Variants in CHODL observed in about 807,000 individuals in gnomAD.
The protein encoded by CHODL is chondrolectin.
A neutral mutation model predicts 34.5 loss-of-function variants in CHODL; 29 were observed. The observed-to-expected ratio is 0.84, with a 90% CI of 0.63 to 1.15. The LOEUF (loss-of-function observed/expected upper bound fraction) is 1.15, where lower values mean the gene tolerates loss of function less well. Ranked by LOEUF, CHODL falls within the 50% of genes most tolerant of loss-of-function variation. The probability of loss-of-function intolerance (pLI) is 0.00; values close to 1 mark genes in which losing one functional copy is unlikely to be tolerated. For synonymous variants in CHODL, 125 were observed against 116.1 expected (o/e 1.08, Z -0.49); for missense variants, 332 against 332.5 (o/e 1.00, Z 0.01).
chr21:18,051,530 G>A (rs1217339161), intron 2 of CHODL, among the ~76,000 whole-genome samples: 1 of 151,630 alleles, frequency 6.6e-6, no homozygotes, highest in African/African-American at 2.4e-5. Flanking sequence ...AGGTTAAGGG[G>A]GCAATGTGAA....
chr21:17,923,825 TA>T (rs1271503459), intron 1 of CHODL, among the ~76,000 whole-genome samples: 1 of 152,282 alleles, frequency 6.6e-6, no homozygotes, highest in East Asian at 1.9e-4. Flanking sequence ...AGTAGCCCTA[TA>T]ATTTAGAAAA....
chr21:18,256,064 T>G (rs2074311519), intron 1 of CHODL, among the ~76,000 whole-genome samples: 1 of 152,322 alleles, frequency 6.6e-6, no homozygotes, highest in Non-Finnish European at 1.5e-5. Context: ...TCTGCCACTT[T>G]GTATCTTCTT....
At chr21:18,073,149 G>A (rs560286312) in intron 2 of CHODL, among the ~76,000 whole-genome samples, 5 of 152,202 alleles carry the variant, frequency 3.3e-5, no homozygotes, top group Non-Finnish European at 7.4e-5. Context: ...ATAATGAAGT[G>A]TCTATTATTA....
At chr21:18,222,949 A>C (rs2146742415) in intron 2 of CHODL, among the ~76,000 whole-genome samples, 1 of 152,364 alleles carries the variant, frequency 6.6e-6, no homozygotes. Flanking sequence ...GTACAGTCCC[A>C]TATTAGAGAT....
At chr21:18,046,053 G>A (rs2064438767) in intron 2 of CHODL, among the ~76,000 whole-genome samples, 1 of 151,926 alleles carries the variant, frequency 6.6e-6, no homozygotes, top group African/African-American at 2.4e-5. Context: ...CCAACTGGTG[G>A]TAATTTGTTG....
chr21:17,932,421 G>A, intron 1 of CHODL, among the ~76,000 whole-genome samples: 1 of 152,154 alleles, frequency 6.6e-6, no homozygotes, highest in Non-Finnish European at 1.5e-5. Flanking sequence ...ACTGAAAGTA[G>A]GATCTACCAT....
intron 1 of CHODL, among the ~76,000 whole-genome samples, chr21:17,987,594 A>G (rs961752137): frequency 5.3e-5 from 8 of 152,164 alleles, no homozygotes; most frequent in Non-Finnish European, 1.0e-4. Flanking sequence ...TAACCAGAGC[A>G]TTTATACAGA....
chr21:18,237,033 G>T (rs2074034776), intron 2 of CHODL, among the ~76,000 whole-genome samples: 1 of 152,104 alleles, frequency 6.6e-6, no homozygotes, highest in African/African-American at 2.4e-5. Context: ...GAAGAAATAT[G>T]CTGTGGTTTT....
At chr21:18,033,864 A>C (rs1382140458) in intron 2 of CHODL, among the ~76,000 whole-genome samples, 3 of 152,086 alleles carry the variant, frequency 2.0e-5, no homozygotes, top group Admixed American at 2.0e-4. Flanking sequence ...CTCATTTAAA[A>C]TAACATAGCT....
At chr21:18,230,043 G>A (rs538072312) in intron 2 of CHODL, among the ~76,000 whole-genome samples, 36 of 152,012 alleles carry the variant, frequency 2.4e-4, no homozygotes, top group Admixed American at 9.2e-4. Context: ...ATTTTTTTGC[G>A]CAGTCATACA....
At chr21:17,997,708 C>T (rs78546769) in intron 1 of CHODL, among the ~76,000 whole-genome samples, 4,452 of 152,108 alleles carry the variant, frequency 0.029, 203 homozygotes, top group African/African-American at 0.096. Flanking sequence ...AAACGGAAAC[C>T]CCTGATATGC....
At chr21:18,255,793 TGA>T (rs941235023) in intron 1 of CHODL, among the ~76,000 whole-genome samples, 1 of 152,072 alleles carries the variant, frequency 6.6e-6, no homozygotes, top group African/African-American at 2.4e-5. Flanking sequence ...CTCTGTAAAA[TGA>T]GAGAAGACAT....
chr21:17,982,896 T>G (rs1291896340), intron 1 of CHODL, among the ~76,000 whole-genome samples: 1 of 151,774 alleles, frequency 6.6e-6, no homozygotes, highest in African/African-American at 2.4e-5. Context: ...AGCTAATTTT[T>G]GTATTTTTAG....
At chr21:18,226,915 C>T (rs1170576362) in intron 2 of CHODL, among the ~76,000 whole-genome samples, 1 of 152,100 alleles carries the variant, frequency 6.6e-6, no homozygotes, top group African/African-American at 2.4e-5. Context: ...TTCTGCCAAA[C>T]AAATTTTAAG....
At chr21:18,028,277 C>CCTT (rs1555853375) in intron 2 of CHODL, among the ~76,000 whole-genome samples, 1 of 98,998 alleles carries the variant, frequency 1.0e-5, no homozygotes, top group South Asian at 4.3e-4. Flanking sequence ...TTTCCTTTTC[C>CCTT]CCTTCCTTCC....
intron 2 of CHODL, among the ~76,000 whole-genome samples, chr21:18,190,709 C>T (rs1275921769): frequency 6.6e-6 from 1 of 152,054 alleles, no homozygotes; most frequent in Non-Finnish European, 1.5e-5. Context: ...TTTGATATGT[C>T]ATCATATCAC....
chr21:17,952,354 A>T (rs922846312), intron 1 of CHODL, among the ~76,000 whole-genome samples: 7 of 152,170 alleles, frequency 4.6e-5, no homozygotes, highest in Non-Finnish European at 8.8e-5. Flanking sequence ...GAAAAATAAG[A>T]CACTTTACAT....
At chr21:18,063,631 A>T (rs2064695265) in intron 2 of CHODL, among the ~76,000 whole-genome samples, 1 of 152,246 alleles carries the variant, frequency 6.6e-6, no homozygotes, top group Admixed American at 6.5e-5. Flanking sequence ...TGAAGATTTT[A>T]GTTCTTCATT....
Position 17,952,194 on chromosome 21 carries a change from CAAAAAAAAAA to C in CHODL, c.-145+34806_-145+34815del, listed in dbSNP as rs58511535. Among the ~76,000 whole-genome samples, 8 of 80,372 alleles carry C rather than the reference CAAAAAAAAAA, an allele frequency of 1.0e-4. No homozygotes were observed. In the South Asian group the frequency reaches 1.7e-3, roughly 17 times the overall value. 52.7% of individuals were successfully genotyped at this position (80,372 alleles called of 152,430 possible). On this transcript the variant is annotated intron_variant, in intron 1 of 6. Transcript: ENST00000400127. ...GATTGTGCAGAGCAATACTATGTCTCAAAAAAAAAAAAAAAAAAAAAGAAATAAACCTACA... is the reference window on the plus strand; with the variant it reads ...GATTGTGCAGAGCAATACTATGTCTCAAAAAAAAAAAGAAATAAACCTACA...
Sources: allele counts gnomAD v4.1 joint callset (sites outside exome capture counted in the v4.1 genomes callset), GRCh38; gene constraint gnomAD v4.1.1; transcripts MANE v1.5; gene names NCBI Gene and HGNC (gene_info 2026-07-23, HGNC 2026-07-21).